METTL25: variants seen among roughly 807,000 people sequenced by gnomAD.
METTL25 encodes the protein methyltransferase like 25.
Under a neutral mutation model 71.6 loss-of-function variants are expected in METTL25, and 64 were observed. The observed-to-expected ratio is 0.89, with a 90% CI of 0.73 to 1.10. The LOEUF (loss-of-function observed/expected upper bound fraction) is 1.10. Ranked by LOEUF, METTL25 falls within the 50% of genes least tolerant of loss-of-function variation. METTL25 has a pLI of 0.00. For missense variants in METTL25, 807 were observed against 707.0 expected (o/e 1.14, Z -1.60); for synonymous variants, 287 against 250.3 (o/e 1.15, Z -1.38).
chr12:82,391,878 A>G (rs1020284407), intron 3 of METTL25, among the ~76,000 whole-genome samples: 11 of 151,506 alleles, frequency 7.3e-5, no homozygotes, highest in African/African-American at 2.2e-4. Context: ...TCCTTTCTCT[A>G]CATTCTTGCC....
intron 5 of METTL25, among the ~76,000 whole-genome samples, chr12:82,421,991 C>G (rs1394427492): frequency 1.3e-5 from 2 of 152,182 alleles, no homozygotes; most frequent in Admixed American, 1.3e-4. Flanking sequence ...GGTACCATTC[C>G]TTCTGAAACT....
At chr12:82,462,897 G>A (rs578091167) in intron 9 of METTL25, among the ~76,000 whole-genome samples, 1 of 152,074 alleles carries the variant, frequency 6.6e-6, no homozygotes, top group African/African-American at 2.4e-5. Context: ...CAGTGTAAAT[G>A]CTATGTAAGT....
chr12:82,361,411 G>A (rs894689997), intron 1 of METTL25, among the ~76,000 whole-genome samples: 19 of 152,216 alleles, frequency 1.2e-4, no homozygotes, highest in Admixed American at 1.2e-3. Context: ...CATGCCGTGC[G>A]CCCGCACTCC....
At chr12:82,425,238 C>G (rs1470105933) in intron 5 of METTL25, among the ~76,000 whole-genome samples, 2 of 152,048 alleles carry the variant, frequency 1.3e-5, no homozygotes, top group Non-Finnish European at 2.9e-5. Flanking sequence ...TAGGACCCAG[C>G]AGATGTGATA....
rs140701215 is a variant in METTL25 at position 82,362,060 on chromosome 12, G to A, written c.259+3236G>A. 2.5e-3 allele frequency among the ~76,000 whole-genome samples: 386 copies of A among 152,328 alleles called. 2 individuals carry two copies. The highest frequency in any genetic ancestry group is 8.8e-3 in the African/African-American group (365 of 41,588). On this transcript the variant is annotated intron_variant, in intron 1 of 11. Coordinates refer to ENST00000248306, the MANE Select transcript of METTL25 (RefSeq NM_032230.3). ...AGTTTGGAAAAGCACACTAACAGAT[G>A]TTCGGCACAATCATTTGGTGTTTTA...
chr12:82,423,652 G>C (rs534753017), intron 5 of METTL25, among the ~76,000 whole-genome samples: 2 of 152,200 alleles, frequency 1.3e-5, no homozygotes, highest in East Asian at 1.9e-4. Flanking sequence ...ATCTGACAAA[G>C]GGCTAATATC....
chr12:82,460,357 C>T (rs1410304358), intron 9 of METTL25, among the ~76,000 whole-genome samples: 4 of 152,108 alleles, frequency 2.6e-5, no homozygotes, highest in African/African-American at 7.2e-5. Context: ...CAAAACTCCC[C>T]ATTCTTTAAG....
intron 5 of METTL25, among the ~76,000 whole-genome samples, chr12:82,406,488 G>A (rs1305764034): frequency 6.6e-6 from 1 of 151,936 alleles, no homozygotes; most frequent in Non-Finnish European, 1.5e-5. Context: ...TTCTGTATCA[G>A]CACAGAGAAC....
chr12:82,413,784 T>C (rs1381008433), intron 5 of METTL25, among the ~76,000 whole-genome samples: 3 of 152,018 alleles, frequency 2.0e-5, no homozygotes, highest in South Asian at 4.1e-4. Context: ...CTTACTTATA[T>C]TGGGTTTGCA....
At chr12:82,381,304 T>A (rs1286440166) in intron 1 of METTL25, among the ~76,000 whole-genome samples, 1 of 152,216 alleles carries the variant, frequency 6.6e-6, no homozygotes, top group East Asian at 1.9e-4. Context: ...ATTTTTACAT[T>A]TAATTTCATT....
intron 4 of METTL25, among the ~76,000 whole-genome samples, chr12:82,402,274 A>G (rs531137089): frequency 2.0e-5 from 3 of 152,270 alleles, no homozygotes; most frequent in African/African-American, 7.2e-5. Context: ...TACCAAGTTT[A>G]CAACAGTTAT....
At chr12:82,478,207 A>G (rs1399041272) in intron 11 of METTL25, among the ~76,000 whole-genome samples, 1 of 151,836 alleles carries the variant, frequency 6.6e-6, no homozygotes, top group Non-Finnish European at 1.5e-5. Context: ...CTATTTTACT[A>G]GATTCTCACA....
At chr12:82,362,971 T>A (rs1565793901) in intron 1 of METTL25, among the ~76,000 whole-genome samples, 2 of 152,096 alleles carry the variant, frequency 1.3e-5, no homozygotes, top group African/African-American at 4.8e-5. Context: ...GAAGTCAGAG[T>A]TTATGGCTTT....
At chr12:82,446,066 C>A (rs1890715768) in intron 8 of METTL25, among the ~76,000 whole-genome samples, 1 of 151,760 alleles carries the variant, frequency 6.6e-6, no homozygotes, top group South Asian at 2.1e-4. Flanking sequence ...AGACTTCAAG[C>A]CAAAAGAGAC....
chr12:82,365,756 A>T (rs1882490467), intron 1 of METTL25, among the ~76,000 whole-genome samples: 1 of 144,832 alleles, frequency 6.9e-6, no homozygotes, highest in African/African-American at 2.5e-5. Context: ...AAGCAACTTA[A>T]GCAGCTTACT....
chr12:82,398,989 GGC>G lies in METTL25; in HGVS notation c.727_728del (p.Ala243LysfsTer8). 6.2e-7 allele frequency: 1 copy of G among 1,608,242 alleles called. No individual in the cohort carries two copies. The highest frequency in any genetic ancestry group is 8.5e-7 in the Non-Finnish European group (1 of 1,177,528). On this transcript the variant is annotated frameshift_variant, in exon 4 of 12. Transcript: ENST00000248306. LOFTEE classifies it high-confidence loss of function. ...ATGTCAATGGACTAGCATTAAAAAT[GGC>G]AAAAGAAAGGAAAGTGCAAAATAAA... ...LDVNGLALKMAKERKVQNKVK... is the reference protein window; with the variant it reads ...LDVNGLALKMXKERKVQNKVK...
chr12:82,391,739 TTG>T (rs962398778), intron 3 of METTL25, among the ~76,000 whole-genome samples: 2 of 151,016 alleles, frequency 1.3e-5, no homozygotes, highest in Non-Finnish European at 3.0e-5. Flanking sequence ...TTTTTTTTTT[TTG>T]GATATATACC....
Position 82,396,200 on chromosome 12 carries a change from T to C in METTL25, c.532-2595T>C, listed in dbSNP as rs575107568. On this transcript the variant is annotated intron_variant, in intron 3 of 11. Coordinates refer to ENST00000248306, the MANE Select transcript of METTL25 (RefSeq NM_032230.3). ...ACTCAAAGATGTTTGCACAACAAAA[T>C]TTCTTAATACATTTCTCAGAACATA... Among the ~76,000 whole-genome samples the C allele has an allele frequency of 2.0e-5, 3 of 152,244 alleles. No homozygotes were observed. In the South Asian group the frequency reaches 6.2e-4, roughly 32 times the overall value.
intron 9 of METTL25, among the ~76,000 whole-genome samples, chr12:82,462,196 T>G (rs952393068): frequency 1.3e-5 from 2 of 152,194 alleles, no homozygotes; most frequent in African/African-American, 2.4e-5. Flanking sequence ...TCCAATGCCT[T>G]CCTTTTATCT....
Sources: allele counts gnomAD v4.1 joint callset (sites outside exome capture counted in the v4.1 genomes callset), GRCh38; gene constraint gnomAD v4.1.1; transcripts MANE v1.5; gene names NCBI Gene and HGNC (gene_info 2026-07-23, HGNC 2026-07-21).